CUX2: variants seen among roughly 807,000 people sequenced by gnomAD.
CUX2 encodes the protein cut like homeobox 2.
Under a neutral mutation model 144.8 loss-of-function variants are expected in CUX2, and 40 were observed. That is an observed-to-expected ratio of 0.28 (90% CI 0.21 to 0.36). CUX2 has a LOEUF of 0.36. CUX2 is among the 10% of genes least tolerant of loss of function. CUX2 has a pLI of 1.00. For missense variants in CUX2, 1,615 were observed against 1,994.0 expected (o/e 0.81, Z 3.62); for synonymous variants, 827 against 875.6 (o/e 0.94, Z 0.98).
intron 1 of CUX2, among the ~76,000 whole-genome samples, chr12:111,040,956 G>A (rs971539671): frequency 2.0e-5 from 3 of 152,302 alleles, no homozygotes; most frequent in Admixed American, 1.3e-4. Context: ...TCATATATAG[G>A]CTGTGGCATG....
chr12:111,331,845 C>T (rs1888131700), intron 18 of CUX2, among the ~76,000 whole-genome samples: 2 of 151,916 alleles, frequency 1.3e-5, no homozygotes, highest in African/African-American at 2.4e-5. Context: ...TTGGGGGCGC[C>T]GAGGAGGGTG....
At chr12:111,146,097 C>T (rs1158234216) in intron 1 of CUX2, among the ~76,000 whole-genome samples, 3 of 152,152 alleles carry the variant, frequency 2.0e-5, no homozygotes, top group African/African-American at 7.2e-5. Flanking sequence ...TCCATATATG[C>T]CTCGCCCCTA....
At chr12:111,296,670 G>T (rs1886016216) in intron 8 of CUX2, 131 bp downstream of exon 8, 1 of 654,410 alleles carries the variant, frequency 1.5e-6, no homozygotes, top group East Asian at 3.1e-5. Flanking sequence ...TGACCCTCCA[G>T]TACTTGCCTC....
At chr12:111,333,241 A>G (rs1180801060) in intron 18 of CUX2, among the ~76,000 whole-genome samples, 2 of 152,016 alleles carry the variant, frequency 1.3e-5, no homozygotes, top group Non-Finnish European at 2.9e-5. Context: ...AAAGTGAGCC[A>G]GGCATGATGA....
intron 1 of CUX2, among the ~76,000 whole-genome samples, chr12:111,072,228 G>C (rs1273844949): frequency 6.6e-6 from 1 of 152,188 alleles, no homozygotes; most frequent in Admixed American, 6.5e-5. Flanking sequence ...TGACAATATT[G>C]AGTCTTCCTA....
intron 3 of CUX2, among the ~76,000 whole-genome samples, chr12:111,258,961 A>G (rs1191769752): frequency 6.6e-6 from 1 of 152,114 alleles, no homozygotes; most frequent in African/African-American, 2.4e-5. Flanking sequence ...TAAACCTCCC[A>G]GACTCAAGTG....
intron 1 of CUX2, among the ~76,000 whole-genome samples, chr12:111,080,488 GC>G (rs1374257399): frequency 6.6e-6 from 1 of 151,594 alleles, no homozygotes; most frequent in African/African-American, 2.4e-5. Context: ...CCTGGGCAAT[GC>G]AGCAAGACCC....
chr12:111,132,140 A>G (rs981372769), intron 1 of CUX2, among the ~76,000 whole-genome samples: 7 of 152,104 alleles, frequency 4.6e-5, no homozygotes, highest in African/African-American at 1.7e-4. Flanking sequence ...CCAAACCTCA[A>G]TTCTTGACTT....
chr12:111,207,653 A>G (rs1240535714), intron 1 of CUX2, among the ~76,000 whole-genome samples: 1 of 152,220 alleles, frequency 6.6e-6, no homozygotes, highest in Admixed American at 6.5e-5. Context: ...TACAAGAGAT[A>G]CTGTACATAA....
At chr12:111,297,919 G>A (rs1371762041) in intron 8 of CUX2, among the ~76,000 whole-genome samples, 11 of 152,182 alleles carry the variant, frequency 7.2e-5, no homozygotes, top group Non-Finnish European at 2.9e-5. Flanking sequence ...GGGTAGTCAG[G>A]GAGAACTCCC....
intron 1 of CUX2, among the ~76,000 whole-genome samples, chr12:111,055,324 C>A (rs1870466735): frequency 6.6e-6 from 1 of 152,252 alleles, no homozygotes; most frequent in African/African-American, 2.4e-5. Context: ...GCAGCATACA[C>A]TGGGGGACTA....
intron 1 of CUX2, among the ~76,000 whole-genome samples, chr12:111,139,313 A>G (rs1216508256): frequency 2.0e-5 from 3 of 151,952 alleles, no homozygotes; most frequent in Non-Finnish European, 4.4e-5. Flanking sequence ...GCTCAATAGG[A>G]GGAGAATGGA....
At chr12:111,135,044 T>C (rs1182666697) in intron 1 of CUX2, among the ~76,000 whole-genome samples, 2 of 152,180 alleles carry the variant, frequency 1.3e-5, no homozygotes, top group Admixed American at 6.5e-5. Flanking sequence ...AAGATTGCTC[T>C]GGGGACTGTT....
chr12:111,327,118 T>C (rs993459439), intron 18 of CUX2, among the ~76,000 whole-genome samples: 1 of 152,182 alleles, frequency 6.6e-6, no homozygotes, highest in Non-Finnish European at 1.5e-5. Context: ...GGAATTCCGC[T>C]TTCTTTCTGT....
chr12:111,189,771 G>A (rs1483415147), intron 1 of CUX2, among the ~76,000 whole-genome samples: 1 of 152,178 alleles, frequency 6.6e-6, no homozygotes, highest in Non-Finnish European at 1.5e-5. Flanking sequence ...AGGTTCTCGG[G>A]TGATGCCGAC....
chr12:111,341,513 C>T (rs1270014077), intron 20 of CUX2, among the ~76,000 whole-genome samples: 10 of 152,192 alleles, frequency 6.6e-5, no homozygotes, highest in Non-Finnish European at 5.9e-5. Flanking sequence ...GCTTCCTATG[C>T]GTGAGGAATG....
rs1885921210 is a variant in CUX2, at chr12:111,295,430, G to A, written c.637+21G>A. The A allele has an allele frequency of 6.2e-7, 1 of 1,603,284 alleles. No homozygotes were observed. The highest frequency in any genetic ancestry group is 8.5e-7 in the Non-Finnish European group (1 of 1,175,020). On this transcript the variant is annotated intron_variant, in intron 7 of 21. Coordinates refer to ENST00000261726, the MANE Select transcript of CUX2 (RefSeq NM_015267.4). This position sits in a 1 kb window ranked among gnomAD's most constrained non-coding sequence, Gnocchi z 5.0. ...TTCAGGTATGTGTCGGCACCATGTG[G>A]CCTAGAGGGAGGACTGGGAGGGGAC...
In CUX2 at chr12:111,307,373, T is replaced by G; in HGVS notation, c.1109+116T>G. On this transcript the variant is annotated intron_variant, in intron 12 of 21. Coordinates refer to ENST00000261726, the MANE Select transcript of CUX2 (RefSeq NM_015267.4). This position sits in a 1 kb window ranked among gnomAD's most constrained non-coding sequence, Gnocchi z 4.1. ...AAACCCCATTTGTTCTTCTCTCCAC[T>G]AACACTGTGGATATCAAACCTTAAC... 1.1e-6 allele frequency: 1 copy of G among 896,950 alleles called. No individual in the cohort carries two copies. Among genetic ancestry groups the G allele is most frequent in the Non-Finnish European group, 1.7e-6 (1 of 580,536 alleles). 55.6% of individuals were successfully genotyped at this position (896,950 alleles called of 1,614,324 possible). A position where few individuals can be genotyped will look rare whatever the true frequency, so the allele number is the denominator to read the frequency against.
intron 1 of CUX2, among the ~76,000 whole-genome samples, chr12:111,191,823 AG>A (rs1377928898): frequency 6.6e-6 from 1 of 152,102 alleles, no homozygotes; most frequent in Non-Finnish European, 1.5e-5. Context: ...CCCAGAGGCC[AG>A]TGTCACCCCA....
Sources: gnomAD v4.1 joint callset for allele counts (sites outside exome capture counted in the v4.1 genomes callset) on GRCh38, gnomAD v4.1.1 for gene constraint, Gnocchi (gnomAD v3.1) non-coding constraint, MANE v1.5 for transcripts, NCBI Gene and HGNC (gene_info 2026-07-23, HGNC 2026-07-21) for gene names.